CLNK: variants seen among roughly 807,000 people sequenced by gnomAD.
CLNK encodes cytokine-dependent hematopoietic cell linker.
In CLNK, 74 loss-of-function variants were observed where a neutral mutation model predicts 68.6. That is an observed-to-expected ratio of 1.08 (90% CI 0.89 to 1.31). CLNK has a LOEUF of 1.31. CLNK is among the 50% of genes most tolerant of loss of function. The pLI is 0.00. For missense variants in CLNK, 553 were observed against 515.3 expected (o/e 1.07, Z -0.71); for synonymous variants, 198 against 172.2 (o/e 1.15, Z -1.17).
chr4:10,603,406 A>G (rs763368816), intron 2 of CLNK, among the ~76,000 whole-genome samples: 1 of 152,212 alleles, frequency 6.6e-6, no homozygotes, highest in African/African-American at 2.4e-5. Context: ...AGTCCATTTA[A>G]TCCTCTTAAC....
chr4:10,617,199 A>G (rs1408035257), intron 2 of CLNK, among the ~76,000 whole-genome samples: 1 of 152,044 alleles, frequency 6.6e-6, no homozygotes, highest in African/African-American at 2.4e-5. Flanking sequence ...CCCCATCCCA[A>G]TGCATACATA....
At chr4:10,623,756 T>A (rs991745971) in intron 2 of CLNK, among the ~76,000 whole-genome samples, 1 of 152,206 alleles carries the variant, frequency 6.6e-6, no homozygotes, top group Admixed American at 6.5e-5. Flanking sequence ...AATAGGCAAA[T>A]AAGCAATTTC....
intron 3 of CLNK, among the ~76,000 whole-genome samples, chr4:10,592,115 A>G (rs767651695): frequency 2.0e-5 from 3 of 152,230 alleles, no homozygotes; most frequent in African/African-American, 4.8e-5. Flanking sequence ...CGAATCATGC[A>G]TTTAGTAAAT....
intron 17 of CLNK, among the ~76,000 whole-genome samples, chr4:10,502,256 G>A (rs952815108): frequency 7.2e-5 from 11 of 152,186 alleles, no homozygotes; most frequent in Admixed American, 3.9e-4. Context: ...ATAATCAGGC[G>A]GAAGGCGAAG....
intron 8 of CLNK, among the ~76,000 whole-genome samples, chr4:10,552,032 T>C (rs1395767497): frequency 6.6e-6 from 1 of 151,942 alleles, no homozygotes; most frequent in Non-Finnish European, 1.5e-5. Context: ...TGCTTTTTTA[T>C]TTTTTAGTAG....
intron 7 of CLNK, among the ~76,000 whole-genome samples, chr4:10,559,778 A>G (rs1165610509): frequency 6.6e-6 from 1 of 152,110 alleles, no homozygotes; most frequent in Non-Finnish European, 1.5e-5. Context: ...ACTAGTACCT[A>G]CTAATGTGTC....
At chr4:10,516,375 C>T (rs1314611062) in intron 15 of CLNK, among the ~76,000 whole-genome samples, 2 of 152,080 alleles carry the variant, frequency 1.3e-5, no homozygotes, top group Non-Finnish European at 2.9e-5. Flanking sequence ...TGCTTTTGAT[C>T]CACTAAATTT....
chr4:10,578,001 C>T (rs1248588981), intron 4 of CLNK, among the ~76,000 whole-genome samples: 2 of 152,132 alleles, frequency 1.3e-5, no homozygotes, highest in Non-Finnish European at 2.9e-5. Flanking sequence ...CATGTGACCT[C>T]AGGCAAACCC....
At chr4:10,692,582 A>T in the CLNK span, among the ~76,000 whole-genome samples, 2 of 152,224 alleles carry the variant, frequency 1.3e-5, no homozygotes, top group Non-Finnish European at 2.9e-5. Context: ...AGGAGATTAT[A>T]CAAATGCAAA....
At chr4:10,558,142 G>A (rs1459790882) in intron 8 of CLNK, among the ~76,000 whole-genome samples, 1 of 152,200 alleles carries the variant, frequency 6.6e-6, no homozygotes, top group African/African-American at 2.4e-5. Context: ...CAATCCATAT[G>A]TTTCAAAATA....
intron 4 of CLNK, among the ~76,000 whole-genome samples, chr4:10,579,727 G>C (rs1467256681): frequency 6.6e-6 from 1 of 152,190 alleles, no homozygotes; most frequent in Non-Finnish European, 1.5e-5. Context: ...ACCCAAACTT[G>C]GTGATTCCCA....
intron 2 of CLNK, among the ~76,000 whole-genome samples, chr4:10,642,353 A>T (rs564124697): frequency 4.3e-4 from 66 of 152,326 alleles, no homozygotes; most frequent in African/African-American, 1.6e-3. Flanking sequence ...AGGCAACAGG[A>T]AACAATGCAA....
chr4:10,733,952 A>T, the CLNK span, among the ~76,000 whole-genome samples: 3 of 152,208 alleles, frequency 2.0e-5, no homozygotes, highest in Admixed American at 6.5e-5. Context: ...GCATTTTTAA[A>T]GTTAGTCTAT....
chr4:10,521,450 C>A (rs1424109429), intron 14 of CLNK, among the ~76,000 whole-genome samples: 1 of 152,204 alleles, frequency 6.6e-6, no homozygotes, highest in Non-Finnish European at 1.5e-5. Flanking sequence ...TTTTCTGGTT[C>A]ATTTTGTATT....
intron 11 of CLNK, among the ~76,000 whole-genome samples, chr4:10,534,239 C>T (rs1718657019): frequency 6.6e-6 from 1 of 152,126 alleles, no homozygotes; most frequent in Admixed American, 6.5e-5. Flanking sequence ...TCACTGAGAA[C>T]CCAAGTGATT....
intron 2 of CLNK, among the ~76,000 whole-genome samples, chr4:10,605,472 T>C (rs1414891435): frequency 1.3e-5 from 2 of 152,086 alleles, no homozygotes; most frequent in Non-Finnish European, 2.9e-5. Context: ...ATGGTACTTG[T>C]ATATATAAAG....
chr4:10,625,955 C>T (rs1455275797), intron 2 of CLNK, among the ~76,000 whole-genome samples: 1 of 152,224 alleles, frequency 6.6e-6, no homozygotes, highest in Non-Finnish European at 1.5e-5. Flanking sequence ...ACATTCATTT[C>T]AACCGTTCTT....
chr4:10,509,105 C>CA (rs35503820), intron 16 of CLNK, among the ~76,000 whole-genome samples: 36,412 of 105,440 alleles, frequency 0.35, 7,199 homozygotes, highest in African/African-American at 0.45. Context: ...GACTCGGTCT[C>CA]AAAAAAAAAA....
intron 2 of CLNK, among the ~76,000 whole-genome samples, chr4:10,666,370 G>T (rs1017900224): frequency 6.6e-6 from 1 of 152,166 alleles, no homozygotes; most frequent in African/African-American, 2.4e-5. Context: ...CATTTGCCAC[G>T]TTTATCCCCA....
Sources: allele counts gnomAD v4.1 joint callset (sites outside exome capture counted in the v4.1 genomes callset), GRCh38; gene constraint gnomAD v4.1.1; transcripts MANE v1.5; gene names NCBI Gene and HGNC (gene_info 2026-07-23, HGNC 2026-07-21).